The following TMEM87A variants were observed in gnomAD, a reference collection of about 807,000 sequenced individuals.
TMEM87A encodes the protein Golgi-pH regulating cation channel.
A neutral mutation model predicts 90.0 loss-of-function variants in TMEM87A; 50 were observed. That is an observed-to-expected ratio of 0.56 (90% confidence interval 0.44 to 0.70). The LOEUF (loss-of-function observed/expected upper bound fraction) is 0.70. Among genes scored for constraint, TMEM87A ranks in the 30% least tolerant of loss-of-function variants. The pLI, the probability that TMEM87A is intolerant of heterozygous loss-of-function variation, is 0.00. For synonymous variants in TMEM87A, 226 were observed against 226.7 expected (o/e 1.00, Z 0.03); for missense variants, 577 against 660.5 (o/e 0.87, Z 1.39).
At chr15:42,270,290 A>G (rs1038882347) in intron 2 of TMEM87A, among the ~76,000 whole-genome samples, 1 of 152,084 alleles carries the variant, frequency 6.6e-6, no homozygotes, top group East Asian at 1.9e-4. Context: ...GAATCGCTTG[A>G]ACCCAGGAAG....
At chr15:42,243,694 T>A (rs112672633) in intron 7 of TMEM87A, among the ~76,000 whole-genome samples, 5,001 of 151,958 alleles carry the variant, frequency 0.033, 125 homozygotes, top group Non-Finnish European at 0.05. Context: ...TAATTTTGTA[T>A]TTTTAGTAGA....
At chr15:42,236,207 AG>A (rs2050767224) in intron 10 of TMEM87A, 112 bp downstream of exon 10, 1 of 932,076 alleles carries the variant, frequency 1.1e-6, no homozygotes. Context: ...TTCTTGTTTC[AG>A]AATTATTTCT....
chr15:42,238,655 G>A (rs2050817868), intron 8 of TMEM87A, among the ~76,000 whole-genome samples: 1 of 151,956 alleles, frequency 6.6e-6, no homozygotes, highest in Admixed American at 6.6e-5. Flanking sequence ...AGGCTGAGGT[G>A]GAGGGTAGCT....
chr15:42,273,413 A>G lies in TMEM87A; in HGVS notation c.-15T>C, dbSNP rs779188133. The G allele has an allele frequency of 6.2e-7, 1 of 1,613,688 alleles. No individual in the cohort carries two copies. The highest frequency in any genetic ancestry group is 1.7e-5 in the Admixed American group (1 of 60,008). ...GCCGCCGCCATCTTCACAGCCGTGG[A>G]GTGCCTACCGAAAGCATTTCACCCT... On this transcript the variant is annotated 5_prime_UTR_variant, in exon 1 of 20. Coordinates refer to ENST00000389834, the MANE Select transcript of TMEM87A (RefSeq NM_015497.5).
At position 42,210,995 on chromosome 15, in the gene TMEM87A, T is replaced by C. The variant is rs2050274724; in HGVS notation, c.*713A>G. 6.6e-6 allele frequency: 1 copy of C among 152,642 alleles called. No homozygotes were observed. The highest frequency in any genetic ancestry group is 2.4e-5 in the African/African-American group (1 of 41,458). 9.5% of individuals were successfully genotyped at this position (152,642 alleles called of 1,614,324 possible). On this transcript the variant is annotated 3_prime_UTR_variant, in exon 20 of 20. Transcript: ENST00000389834. ...TTGCCAGCAATGGGATGTGTCACAA[T>C]AGCAGATGTCAAAAGAGTTAAGCTA... is the stretch of plus-strand genomic sequence containing the variant.
intron 3 of TMEM87A, among the ~76,000 whole-genome samples, chr15:42,264,699 A>ATATATATATTT (rs10681614): frequency 1.0e-4 from 11 of 109,420 alleles, no homozygotes; most frequent in African/African-American, 2.8e-4. Context: ...ATATATATAT[A>ATATATATATTT]TTTTTTTTTT....
intron 2 of TMEM87A, among the ~76,000 whole-genome samples, chr15:42,268,515 T>C (rs2051449766): frequency 6.6e-6 from 1 of 151,536 alleles, no homozygotes; most frequent in African/African-American, 2.4e-5. Context: ...AAAAAATGAT[T>C]AAAAAGCTAG....
At chr15:42,247,960 T>G (rs949440001) in intron 6 of TMEM87A, among the ~76,000 whole-genome samples, 2 of 152,140 alleles carry the variant, frequency 1.3e-5, no homozygotes, top group African/African-American at 2.4e-5. Flanking sequence ...CTTTTATTTC[T>G]TTGAGCAGTG....
At chr15:42,271,093 G>A (rs974148345) in intron 2 of TMEM87A, among the ~76,000 whole-genome samples, 3 of 152,048 alleles carry the variant, frequency 2.0e-5, no homozygotes, top group Non-Finnish European at 2.9e-5. Flanking sequence ...ACGATCAATC[G>A]TTCTCTAAAT....
At position 42,239,707 on chromosome 15, in the gene TMEM87A, T is replaced by C. The variant is rs765357180; in HGVS notation, c.647A>G (p.Tyr216Cys). 2 of 1,614,060 alleles carry C rather than the reference T, an allele frequency of 1.2e-6. No individual in the cohort carries two copies. Among genetic ancestry groups the C allele is most frequent in the East Asian group, 2.2e-5 (1 of 44,866 alleles). The change falls in exon 8 of 20, where the codon TAT becomes TGT. Residue 216 changes from tyrosine (Y) to cysteine (C), a missense_variant. Transcript: ENST00000389834. ...ATAGTCTTCAAGTGTGAGGTATTCATAGGGACCCTTCACTTCAACAGTCAC... is the reference window on the plus strand; with the variant it reads ...ATAGTCTTCAAGTGTGAGGTATTCACAGGGACCCTTCACTTCAACAGTCAC... The part of the protein sequence containing the change: ...FTMTVEVKGP[Y>C]EYLTLEDYPL...
chr15:42,261,673 GCA>G (rs997442682), intron 4 of TMEM87A, among the ~76,000 whole-genome samples: 3 of 137,716 alleles, frequency 2.2e-5, no homozygotes, highest in African/African-American at 8.0e-5. Context: ...TTGCTCTGTT[GCA>G]CAGACTGGAG....
chr15:42,226,778 A>C, intron 15 of TMEM87A, 28 bp downstream of exon 15: 1 of 1,590,122 alleles, frequency 6.3e-7, no homozygotes, highest in African/African-American at 1.3e-5. Context: ...ATCTCATGTT[A>C]GCAGAGTAAA....
At chr15:42,222,914 G>A (rs2050520826) in intron 15 of TMEM87A, among the ~76,000 whole-genome samples, 1 of 152,082 alleles carries the variant, frequency 6.6e-6, no homozygotes, top group Admixed American at 6.5e-5. Flanking sequence ...AATCACCTTA[G>A]GCTAGATAAG....
chr15:42,241,607 A>C (rs1157068050), intron 7 of TMEM87A, among the ~76,000 whole-genome samples: 2 of 152,170 alleles, frequency 1.3e-5, no homozygotes, highest in Admixed American at 1.3e-4. Flanking sequence ...CATCCATTAA[A>C]GGTTTCGATG....
At chr15:42,244,489 T>TATGCATACATTACATACTAG (rs2050934984) in intron 6 of TMEM87A, among the ~76,000 whole-genome samples, 1 of 151,928 alleles carries the variant, frequency 6.6e-6, no homozygotes, top group Non-Finnish European at 1.5e-5. Flanking sequence ...TAGTTTGTGT[T>TATGCATACATTACATACTAG]TTATGCAGAC....
chr15:42,260,883 G>T (rs1003777558), intron 6 of TMEM87A, 75 bp downstream of exon 6: 1 of 1,479,506 alleles, frequency 6.8e-7, no homozygotes, highest in Non-Finnish European at 9.3e-7. Context: ...TAGTATGGGA[G>T]AACAATTCAG....
intron 17 of TMEM87A, 64 bp downstream of exon 17, chr15:42,219,517 G>T: frequency 7.7e-7 from 1 of 1,303,356 alleles, no homozygotes; most frequent in Non-Finnish European, 1.1e-6. Flanking sequence ...TTTTCTTCTA[G>T]TAGTTCTACT....
chr15:42,256,038 A>C (rs8025364), intron 6 of TMEM87A, among the ~76,000 whole-genome samples: 146,113 of 151,872 alleles, frequency 0.96, 70,482 homozygotes, highest in Non-Finnish European at 1. Context: ...CCTTGGCCTC[A>C]CAAAGTGCTG....
chr15:42,248,136 T>C (rs1401637433), intron 6 of TMEM87A, among the ~76,000 whole-genome samples: 1 of 152,238 alleles, frequency 6.6e-6, no homozygotes, highest in Non-Finnish European at 1.5e-5. Context: ...TGATTTTGTA[T>C]CCTGAGACTT....
Sources: gnomAD v4.1 joint callset for allele counts (sites outside exome capture counted in the v4.1 genomes callset) on GRCh38, gnomAD v4.1.1 for gene constraint, MANE v1.5 for transcripts, NCBI Gene and HGNC (gene_info 2026-07-23, HGNC 2026-07-21) for gene names.